CNTN3: variants seen among roughly 807,000 people sequenced by gnomAD.
CNTN3 encodes contactin 3.
CNTN3 carries 60 observed loss-of-function variants against 119.1 expected under a neutral mutation model. That is an observed-to-expected ratio of 0.50 (90% CI 0.41 to 0.62). CNTN3 has a LOEUF of 0.62. Among genes scored for constraint, CNTN3 ranks in the 20% least tolerant of loss-of-function variants. The pLI is 0.00. For missense variants in CNTN3, 1,101 were observed against 1,242.4 expected, an observed-to-expected ratio of 0.89 and a Z score of 1.71; for synonymous variants, 450 against 438.7, an observed-to-expected ratio of 1.03 and a Z score of -0.32.
At chr3:74,425,005 A>G in intron 4 of CNTN3, 65 bp from the exon 5 acceptor site, 1 of 1,052,536 alleles carries the variant, frequency 9.5e-7, no homozygotes, top group Non-Finnish European at 1.4e-6. Flanking sequence ...TTTTACACCA[A>G]GACCTTCCTT....
chr3:74,609,272 GTCGGCC>G (rs750570934), intron 1 of CNTN3, among the ~76,000 whole-genome samples: 5 of 152,190 alleles, frequency 3.3e-5, no homozygotes, highest in Non-Finnish European at 5.9e-5. Context: ...GACCCAAGGG[GTCGGCC>G]TCATGGATTA....
chr3:74,324,757 A>G (rs1703087674), intron 13 of CNTN3, among the ~76,000 whole-genome samples: 1 of 152,200 alleles, frequency 6.6e-6, no homozygotes, highest in Admixed American at 6.5e-5. Context: ...ATTCTTAGCC[A>G]AAGAAGAAGG....
At chr3:74,319,269 T>C (rs1416521135) in intron 13 of CNTN3, among the ~76,000 whole-genome samples, 1 of 152,068 alleles carries the variant, frequency 6.6e-6, no homozygotes, top group African/African-American at 2.4e-5. Context: ...CAAACTATAC[T>C]ACAAGGCTAC....
intron 13 of CNTN3, among the ~76,000 whole-genome samples, chr3:74,319,046 C>T (rs1702911760): frequency 6.6e-6 from 1 of 152,156 alleles, no homozygotes; most frequent in East Asian, 1.9e-4. Flanking sequence ...ACATTCCTTG[C>T]TCATGGGTAG....
intron 20 of CNTN3, among the ~76,000 whole-genome samples, chr3:74,283,506 T>C (rs1702055035): frequency 6.6e-6 from 1 of 152,182 alleles, no homozygotes; most frequent in South Asian, 2.1e-4. Context: ...TACATTATCA[T>C]GACATTTCTA....
At chr3:74,448,520 A>G (rs746951056) in intron 4 of CNTN3, among the ~76,000 whole-genome samples, 1 of 152,190 alleles carries the variant, frequency 6.6e-6, no homozygotes, top group African/African-American at 2.4e-5. Context: ...GTAGAGTGTA[A>G]TAACACTAGC....
chr3:74,453,462 A>G (rs987765998), intron 4 of CNTN3, among the ~76,000 whole-genome samples: 7 of 152,172 alleles, frequency 4.6e-5, no homozygotes, highest in Non-Finnish European at 8.8e-5. Context: ...TTTTCAAAAT[A>G]CCAGCTCCTG....
chr3:74,280,403 T>C (rs1470135011), intron 20 of CNTN3, among the ~76,000 whole-genome samples: 1 of 152,196 alleles, frequency 6.6e-6, no homozygotes, highest in African/African-American at 2.4e-5. Flanking sequence ...AGTCTGGGCA[T>C]GTGTTTCAGG....
intron 1 of CNTN3, among the ~76,000 whole-genome samples, chr3:74,556,989 C>T (rs1704078824): frequency 2.6e-5 from 4 of 152,218 alleles, no homozygotes; most frequent in African/African-American, 7.2e-5. Context: ...ACAGGTTTGT[C>T]TTTTTATTGT....
At chr3:74,438,181 G>T (rs2106922947) in intron 4 of CNTN3, among the ~76,000 whole-genome samples, 2 of 152,212 alleles carry the variant, frequency 1.3e-5, no homozygotes, top group Admixed American at 1.3e-4. Flanking sequence ...ACATTTTTAA[G>T]AACTTTTTAA....
chr3:74,268,409 T>C (rs924945206), intron 20 of CNTN3, among the ~76,000 whole-genome samples: 4 of 152,300 alleles, frequency 2.6e-5, no homozygotes, highest in East Asian at 3.9e-4. Context: ...GGAAAAATGA[T>C]ATAAAACATT....
chr3:74,310,683 C>T (rs1311494655), intron 13 of CNTN3, among the ~76,000 whole-genome samples: 1 of 152,140 alleles, frequency 6.6e-6, no homozygotes, highest in Admixed American at 6.5e-5. Flanking sequence ...CTGCATCACT[C>T]CTATTGTTTT....
chr3:74,289,184 T>A (rs928229076), intron 19 of CNTN3, among the ~76,000 whole-genome samples: 35 of 152,190 alleles, frequency 2.3e-4, no homozygotes, highest in African/African-American at 8.2e-4. Context: ...AGAAAAGACA[T>A]ATTTTTATCT....
chr3:74,539,842 C>T (rs1157721838), intron 1 of CNTN3, among the ~76,000 whole-genome samples: 10 of 152,184 alleles, frequency 6.6e-5, no homozygotes, highest in Non-Finnish European at 1.3e-4. Context: ...ACAGTCCAAA[C>T]GTACAGGCTT....
intron 11 of CNTN3, among the ~76,000 whole-genome samples, chr3:74,350,820 A>G (rs1413249703): frequency 6.6e-6 from 1 of 150,588 alleles, no homozygotes; most frequent in Non-Finnish European, 1.5e-5. Context: ...TAATGTAGAA[A>G]CACAAAATAA....
intron 4 of CNTN3, among the ~76,000 whole-genome samples, chr3:74,448,575 T>C (rs1702090025): frequency 6.6e-6 from 1 of 152,100 alleles, no homozygotes; most frequent in Non-Finnish European, 1.5e-5. Flanking sequence ...ACTTATAAAT[T>C]ATTTAGCTTG....
In CNTN3 at chr3:74,412,953, G is replaced by A. The variant is rs115373632; in HGVS notation, c.454+11892C>T. On this transcript the variant is annotated intron_variant, in intron 5 of 22. Transcript: ENST00000263665. ...TCAAATATGGAAAAACTGAAAGGAA[G>A]ACCACAAAGGTCAAATAACTAAAGA... 2.3e-3 allele frequency among the ~76,000 whole-genome samples: 349 copies of A among 152,204 alleles called. 1 individual carries two copies. The highest frequency in any genetic ancestry group is 0.01 in the Middle Eastern group (3 of 294).
chr3:74,303,907 T>G (rs936342514), intron 13 of CNTN3, among the ~76,000 whole-genome samples: 1 of 152,188 alleles, frequency 6.6e-6, no homozygotes, highest in African/African-American at 2.4e-5. Context: ...AGTCATATGA[T>G]TTCGAAACCA....
intron 5 of CNTN3, among the ~76,000 whole-genome samples, chr3:74,397,865 G>A (rs1303407456): frequency 2.0e-5 from 3 of 152,096 alleles, no homozygotes; most frequent in African/African-American, 7.2e-5. Flanking sequence ...GTATGACTTT[G>A]AGTTCAAGAC....
Sources: gnomAD v4.1 joint callset for allele counts (sites outside exome capture counted in the v4.1 genomes callset) on GRCh38, gnomAD v4.1.1 for gene constraint, MANE v1.5 for transcripts, NCBI Gene and HGNC (gene_info 2026-07-23, HGNC 2026-07-21) for gene names.